The following ATP6V0A4 variants were observed in gnomAD, a reference collection of about 807,000 sequenced individuals.
ATP6V0A4 encodes the protein ATPase H+ transporting V0 subunit a4.
A neutral mutation model predicts 107.3 loss-of-function variants in ATP6V0A4; 86 were observed. The observed-to-expected ratio is 0.80, with a 90% CI of 0.67 to 0.96. ATP6V0A4 has a LOEUF of 0.96. ATP6V0A4 is among the 40% of genes least tolerant of loss of function. The pLI, the probability that ATP6V0A4 is intolerant of heterozygous loss-of-function variation, is 0.00. For synonymous variants in ATP6V0A4, 353 were observed against 381.4 expected (o/e 0.93, Z 0.87); for missense variants, 908 against 1,045.6 (o/e 0.87, Z 1.81).
Position 138,728,805 on chromosome 7 carries a change from G to C in ATP6V0A4, c.1966C>G (p.Leu656Val). ...MALISVPWML[L>V]IKPFILRASH... ...GCTCTAAGAATAAACGGCTTAATCA[G>C]AAGCATCCACGGCACAGAAATCAAA... The change falls in exon 18 of 22, where the codon CTG (leucine) becomes GTG (valine). Residue 656 changes from leucine (L) to valine (V), a missense_variant. Coordinates refer to ENST00000310018, the MANE Select transcript of ATP6V0A4 (RefSeq NM_020632.3). The C allele has an allele frequency of 6.2e-7, 1 of 1,614,190 alleles. No homozygotes were observed. The highest frequency in any genetic ancestry group is 1.1e-5 in the South Asian group (1 of 91,084).
rs1273205423 is a variant in ATP6V0A4 at position 138,706,586 on chromosome 7, T to C, written c.*38A>G. 6.2e-6 allele frequency: 10 copies of C among 1,611,426 alleles called. No homozygotes were observed. The Admixed American group carries it at 8.3e-5, about 13-fold the overall frequency. On this transcript the variant is annotated 3_prime_UTR_variant, in exon 22 of 22. Transcript: ENST00000310018. ...CAAAGACAAGACTGAACTTCCTTCA[T>C]TGGCATGGTGACCACCGTGGGAGGT... is the stretch of plus-strand genomic sequence containing the variant.
intron 20 of ATP6V0A4, 106 bp downstream of exon 20, chr7:138,715,658 A>G (rs1313151111): frequency 6.8e-7 from 1 of 1,464,910 alleles, no homozygotes. Context: ...TTTGGCAAAC[A>G]TCCACAAATA....
Position 138,782,705 on chromosome 7 carries a change from G to A in ATP6V0A4, c.-18+3453C>T, listed in dbSNP as rs953477328. Among the ~76,000 whole-genome samples, 6 of 152,294 alleles carry A rather than the reference G, an allele frequency of 3.9e-5. No individual in the cohort carries two copies. The Middle Eastern group carries it at 0.01, about 259-fold the overall frequency. On this transcript the variant is annotated intron_variant, in intron 2 of 21. Transcript: ENST00000310018. ...ATCTGGAGGTTACTGGGGACCCCGT[G>A]GATCCACTTCAATGGAGTGAAATGG...
At chr7:138,714,070 T>A (rs1353390733) in intron 20 of ATP6V0A4, among the ~76,000 whole-genome samples, 4 of 131,984 alleles carry the variant, frequency 3.0e-5, no homozygotes, top group Non-Finnish European at 6.3e-5. Flanking sequence ...AAACCCTACC[T>A]CTACCAAAAA....
Position 138,747,392 on chromosome 7 carries a change from T to G in ATP6V0A4, c.1320+33A>C, listed in dbSNP as rs780593194. 1.8e-5 allele frequency: 29 copies of G among 1,606,600 alleles called. No individual in the cohort carries two copies. In the South Asian group the frequency reaches 2.9e-4, roughly 16 times the overall value. The stretch of plus-strand genomic sequence containing the variant: ...CATACAGATTTTCATATTCTGAAAA[T>G]GAATCAGGGCAAGACGGTCAATGGA... On this transcript the variant is annotated intron_variant, in intron 13 of 21. Coordinates refer to ENST00000310018, the MANE Select transcript of ATP6V0A4 (RefSeq NM_020632.3).
intron 1 of ATP6V0A4, among the ~76,000 whole-genome samples, chr7:138,796,728 G>A (rs1808682816): frequency 6.6e-6 from 1 of 152,116 alleles, no homozygotes; most frequent in African/African-American, 2.4e-5. Flanking sequence ...CACAGTGGAA[G>A]GTACCCCTAT....
rs987993295 is a variant in ATP6V0A4 at position 138,771,159 on chromosome 7, C to T, written c.89G>A (p.Gly30Glu). Reference sequence around the variant, plus strand: ...TTTGAACTGAACCAATCCGAGCTCTCCGAGCTCAGCCACACAGCAATATGC... The same window carrying T: ...TTTGAACTGAACCAATCCGAGCTCTTCGAGCTCAGCCACACAGCAATATGC... ...EAAYCCVAEL[G>E]ELGLVQFKDL... The change falls in exon 3 of 22, where the codon GGA becomes GAA. Residue 30 changes from glycine to glutamate, a missense_variant. Physicochemically the swap from Gly to Glu is moderately conservative, Grantham distance 98 (BLOSUM62 -2). Coordinates refer to ENST00000310018, the MANE Select transcript of ATP6V0A4 (RefSeq NM_020632.3). 3 of 1,614,182 alleles carry T rather than the reference C, an allele frequency of 1.9e-6. No individual in the cohort carries two copies. The highest frequency in any genetic ancestry group is 2.5e-6 in the Non-Finnish European group (3 of 1,180,030).
intron 14 of ATP6V0A4, chr7:138,739,847 G>T: frequency 2.4e-6 from 1 of 410,508 alleles, no homozygotes; most frequent in Non-Finnish European, 3.3e-6. Flanking sequence ...ATGTGCTATA[G>T]TAAAGAAACT....
intron 18 of ATP6V0A4, 70 bp downstream of exon 18, chr7:138,728,691 C>T: frequency 1.2e-6 from 2 of 1,604,064 alleles, no homozygotes; most frequent in Non-Finnish European, 8.5e-7. Flanking sequence ...CTCTCTAAAC[C>T]CAAGATTCAT....
chr7:138,722,413 C>G (rs561721602), intron 18 of ATP6V0A4, among the ~76,000 whole-genome samples: 3 of 151,746 alleles, frequency 2.0e-5, no homozygotes, highest in Non-Finnish European at 4.4e-5. Context: ...GCCTGTAATC[C>G]CAGCATTTCG....
In ATP6V0A4 at chr7:138,798,059, C is replaced by G; in HGVS notation, c.-146G>C. Reference sequence around the variant, plus strand: ...CTGCAGCAGGCACTCGGCACAACTCCGCAGGACCGGCTCACCTGCACCGGG... The same window carrying G: ...CTGCAGCAGGCACTCGGCACAACTCGGCAGGACCGGCTCACCTGCACCGGG... On this transcript the variant is annotated 5_prime_UTR_variant, in exon 1 of 22. Coordinates refer to ENST00000310018, the MANE Select transcript of ATP6V0A4 (RefSeq NM_020632.3). 6.4e-7 allele frequency: 1 copy of G among 1,564,260 alleles called. No individual in the cohort carries two copies. Among genetic ancestry groups the G allele is most frequent in the Non-Finnish European group, 8.7e-7 (1 of 1,154,604 alleles).
chr7:138,723,311 C>T (rs1422699136), intron 18 of ATP6V0A4, among the ~76,000 whole-genome samples: 1 of 151,968 alleles, frequency 6.6e-6, no homozygotes, highest in Non-Finnish European at 1.5e-5. Context: ...GTGAAATTAA[C>T]TATAAAAATA....
chr7:138,764,465 T>C (rs1260517145), intron 5 of ATP6V0A4, among the ~76,000 whole-genome samples: 1 of 151,982 alleles, frequency 6.6e-6, no homozygotes, highest in Non-Finnish European at 1.5e-5. Flanking sequence ...TTAAAGGCTA[T>C]CAGGGAAAAA....
At chr7:138,765,790 G>C in intron 5 of ATP6V0A4, among the ~76,000 whole-genome samples, 1 of 152,124 alleles carries the variant, frequency 6.6e-6, no homozygotes, top group Admixed American at 6.6e-5. Flanking sequence ...GTCTCACTCT[G>C]TTGCCCAGGC....
At chr7:138,754,316 C>CG (rs1806397673) in intron 10 of ATP6V0A4, among the ~76,000 whole-genome samples, 1 of 151,704 alleles carries the variant, frequency 6.6e-6, no homozygotes, top group Admixed American at 6.6e-5. Context: ...GGCATGGTGG[C>CG]GCATGCCTGT....
intron 2 of ATP6V0A4, among the ~76,000 whole-genome samples, chr7:138,781,244 A>C (rs1807905279): frequency 6.6e-6 from 1 of 152,230 alleles, no homozygotes; most frequent in African/African-American, 2.4e-5. Flanking sequence ...CCTTATGAAC[A>C]GGTATGGAGA....
chr7:138,745,666 A>AAAAAAAAAAAAAAAAAAAAAAAAAAAG, intron 13 of ATP6V0A4, among the ~76,000 whole-genome samples: 1 of 137,910 alleles, frequency 7.3e-6, no homozygotes, highest in Non-Finnish European at 1.6e-5. Flanking sequence ...CTCAAAAAAA[A>AAAAAAAAAAAAAAAAAAAAAAAAAAAG]AAAAAGGCCG....
At chr7:138,756,398 C>T in intron 9 of ATP6V0A4, 60 bp downstream of exon 9, 1 of 1,611,604 alleles carries the variant, frequency 6.2e-7, no homozygotes, top group East Asian at 2.2e-5. Flanking sequence ...TGGCATTGCA[C>T]ATCTCTTTAT....
chr7:138,758,200 G>A (rs1346349811), intron 8 of ATP6V0A4, among the ~76,000 whole-genome samples: 3 of 152,100 alleles, frequency 2.0e-5, no homozygotes, highest in Non-Finnish European at 4.4e-5. Flanking sequence ...TGATCTTTAC[G>A]AAGGATGCAC....
Sources: allele counts gnomAD v4.1 joint callset (sites outside exome capture counted in the v4.1 genomes callset), GRCh38; gene constraint gnomAD v4.1.1; transcripts MANE v1.5; gene names NCBI Gene and HGNC (gene_info 2026-07-23, HGNC 2026-07-21).